The following HS6ST3 variants were observed in gnomAD, a reference collection of about 807,000 sequenced individuals.
HS6ST3 encodes the protein heparan sulfate 6-O-sulfotransferase 3.
In HS6ST3, 12 loss-of-function variants were observed where a neutral mutation model predicts 36.7. The ratio of observed to expected loss-of-function variants is 0.33; its 90% CI spans 0.21 to 0.53. The LOEUF is 0.53. HS6ST3 is among the 20% of genes least tolerant of loss of function. The pLI is 0.95. For synonymous variants in HS6ST3, 240 were observed against 257.5 expected, an observed-to-expected ratio of 0.93 and a Z score of 0.65; for missense variants, 584 against 640.9, an observed-to-expected ratio of 0.91 and a Z score of 0.96.
intron 1 of HS6ST3, among the ~76,000 whole-genome samples, chr13:96,390,151 G>C (rs1029622300): frequency 6.6e-6 from 1 of 151,970 alleles, no homozygotes; most frequent in African/African-American, 2.4e-5. Context: ...AAAATTATCT[G>C]TAATTTCTAT....
intron 1 of HS6ST3, among the ~76,000 whole-genome samples, chr13:96,550,553 A>G (rs1296400715): frequency 6.6e-6 from 1 of 152,198 alleles, no homozygotes; most frequent in East Asian, 1.9e-4. Flanking sequence ...ATGTGGACTG[A>G]AGCCATGTCA....
chr13:96,612,698 T>C (rs1373480476), intron 1 of HS6ST3, among the ~76,000 whole-genome samples: 2 of 152,152 alleles, frequency 1.3e-5, no homozygotes, highest in Non-Finnish European at 2.9e-5. Flanking sequence ...CTCTCTCACA[T>C]AGCAGCTGCA....
At chr13:96,774,029 G>A (rs933014503) in intron 1 of HS6ST3, among the ~76,000 whole-genome samples, 4 of 152,296 alleles carry the variant, frequency 2.6e-5, no homozygotes, top group Admixed American at 6.5e-5. Flanking sequence ...GTGATACCCA[G>A]GCAAACAAGG....
At chr13:96,587,843 T>C (rs541643627) in intron 1 of HS6ST3, among the ~76,000 whole-genome samples, 1 of 152,322 alleles carries the variant, frequency 6.6e-6, no homozygotes, top group East Asian at 1.9e-4. Context: ...AATAGCAAGT[T>C]GTATGGACAA....
At chr13:96,608,156 C>T (rs565080718) in intron 1 of HS6ST3, among the ~76,000 whole-genome samples, 12 of 152,104 alleles carry the variant, frequency 7.9e-5, no homozygotes, top group East Asian at 3.9e-4. Flanking sequence ...GAAGATAATA[C>T]GAAACCAATC....
chr13:96,732,558 AG>A (rs1380692335), intron 1 of HS6ST3, among the ~76,000 whole-genome samples: 1 of 151,950 alleles, frequency 6.6e-6, no homozygotes, highest in Admixed American at 6.6e-5. Context: ...ATAGCTTTGC[AG>A]TATATTTTGA....
At chr13:96,711,532 C>T (rs1237938771) in intron 1 of HS6ST3, among the ~76,000 whole-genome samples, 1 of 152,136 alleles carries the variant, frequency 6.6e-6, no homozygotes, top group African/African-American at 2.4e-5. Flanking sequence ...GATACAATGA[C>T]CCACGTCTTT....
intron 1 of HS6ST3, among the ~76,000 whole-genome samples, chr13:96,640,543 G>T (rs2056566806): frequency 6.6e-6 from 1 of 151,674 alleles, no homozygotes; most frequent in Admixed American, 6.6e-5. Flanking sequence ...TTATTTTGCT[G>T]TGCAGCTCTT....
chr13:96,582,305 CAT>C (rs1001707091), intron 1 of HS6ST3, among the ~76,000 whole-genome samples: 3 of 114,592 alleles, frequency 2.6e-5, no homozygotes, highest in African/African-American at 1.0e-4. Flanking sequence ...TCTTGGTAAT[CAT>C]GTGAGAAATT....
chr13:96,156,907 G>A (rs1449514705), intron 1 of HS6ST3, among the ~76,000 whole-genome samples: 1 of 151,998 alleles, frequency 6.6e-6, no homozygotes, highest in Non-Finnish European at 1.5e-5. Flanking sequence ...ATGGTGCCTG[G>A]CCAGGAACCA....
Position 96,249,946 on chromosome 13 carries a change from C to T in HS6ST3, c.707+158377C>T, listed in dbSNP as rs192733836. 4.6e-5 allele frequency among the ~76,000 whole-genome samples: 7 copies of T among 152,074 alleles called. No homozygotes were observed. The East Asian group carries it at 5.8e-4, about 13-fold the overall frequency. On this transcript the variant is annotated intron_variant, in intron 1 of 1. Transcript: ENST00000376705. ...AGTTTATGAGGGTGTTGCACAGGAA[C>T]GAGGAGGTGTCATTTAGTGGGTACC... is the stretch of plus-strand genomic sequence containing the variant.
chr13:96,768,362 C>T (rs544392494), intron 1 of HS6ST3, among the ~76,000 whole-genome samples: 2 of 152,184 alleles, frequency 1.3e-5, no homozygotes, highest in African/African-American at 2.4e-5. Context: ...AAGTAATTGC[C>T]GACAGTGATT....
intron 1 of HS6ST3, among the ~76,000 whole-genome samples, chr13:96,666,953 GC>G (rs1470271744): frequency 3.3e-5 from 5 of 151,884 alleles, no homozygotes; most frequent in African/African-American, 4.8e-5. Flanking sequence ...CAGTAAATTT[GC>G]CCATTTTTTA....
At chr13:96,279,257 T>C (rs1284666708) in intron 1 of HS6ST3, among the ~76,000 whole-genome samples, 1 of 152,172 alleles carries the variant, frequency 6.6e-6, no homozygotes, top group Non-Finnish European at 1.5e-5. Flanking sequence ...TTTCCTTTAA[T>C]CATTATGCTA....
intron 1 of HS6ST3, among the ~76,000 whole-genome samples, chr13:96,684,982 C>T (rs1874729564): frequency 6.6e-6 from 1 of 152,010 alleles, no homozygotes; most frequent in South Asian, 2.1e-4. Flanking sequence ...TATTTGTACA[C>T]ATTGTTAATT....
chr13:96,379,622 C>T (rs1271228465), intron 1 of HS6ST3, among the ~76,000 whole-genome samples: 1 of 152,136 alleles, frequency 6.6e-6, no homozygotes, highest in African/African-American at 2.4e-5. Context: ...AGTATTTTTC[C>T]ATGTGGAGTT....
At chr13:96,281,934 T>C (rs1200420965) in intron 1 of HS6ST3, among the ~76,000 whole-genome samples, 1 of 152,172 alleles carries the variant, frequency 6.6e-6, no homozygotes, top group Non-Finnish European at 1.5e-5. Flanking sequence ...GTGGGTCCAC[T>C]TGGTGACATA....
intron 1 of HS6ST3, among the ~76,000 whole-genome samples, chr13:96,390,876 C>T (rs1036006196): frequency 1.3e-5 from 2 of 152,166 alleles, no homozygotes; most frequent in East Asian, 3.9e-4. Flanking sequence ...CTTTACATCA[C>T]CAAGTTATTT....
At chr13:96,180,074 A>T (rs2054232288) in intron 1 of HS6ST3, among the ~76,000 whole-genome samples, 1 of 152,040 alleles carries the variant, frequency 6.6e-6, no homozygotes, top group South Asian at 2.1e-4. Context: ...ACCTCAAGTG[A>T]TCCACCCGCC....
Sources: allele counts gnomAD v4.1 joint callset (sites outside exome capture counted in the v4.1 genomes callset), GRCh38; gene constraint gnomAD v4.1.1; transcripts MANE v1.5; gene names NCBI Gene and HGNC (gene_info 2026-07-23, HGNC 2026-07-21).